Variants in DIAPH1 observed in about 807,000 individuals in gnomAD.
The protein encoded by DIAPH1 is protein diaphanous homolog 1.
In DIAPH1, 46 loss-of-function variants were observed where a neutral mutation model predicts 140.7. The observed-to-expected ratio is 0.33, with a 90% CI of 0.26 to 0.42. The LOEUF is 0.42. Among genes scored for constraint, DIAPH1 ranks in the 10% least tolerant of loss-of-function variants. DIAPH1 has a pLI of 1.00. For synonymous variants in DIAPH1, 565 were observed against 551.6 expected, an observed-to-expected ratio of 1.02 and a Z score of -0.34; for missense variants, 1,310 against 1,558.7, an observed-to-expected ratio of 0.84 and a Z score of 2.69.
intron 18 of DIAPH1, among the ~76,000 whole-genome samples, chr5:141,545,938 G>A (rs763204318): frequency 9.2e-5 from 14 of 152,018 alleles, no homozygotes; most frequent in Non-Finnish European, 2.1e-4. Flanking sequence ...CCATTTTAAA[G>A]GAATATAGTA....
chr5:141,603,139 G>A (rs1217145079), intron 1 of DIAPH1, among the ~76,000 whole-genome samples: 1 of 152,192 alleles, frequency 6.6e-6, no homozygotes, highest in Non-Finnish European at 1.5e-5. Context: ...CCCCAGAAAT[G>A]GAAATGATAG....
chr5:141,535,805 G>A (rs575401270), intron 18 of DIAPH1, among the ~76,000 whole-genome samples: 1 of 152,314 alleles, frequency 6.6e-6, no homozygotes, highest in South Asian at 2.1e-4. Context: ...ATCCCCGAAA[G>A]GAGAGTCGAG....
At chr5:141,598,693 C>A (rs1374948153) in intron 1 of DIAPH1, among the ~76,000 whole-genome samples, 2 of 151,704 alleles carry the variant, frequency 1.3e-5, no homozygotes, top group African/African-American at 2.4e-5. Flanking sequence ...TAGTTTATAA[C>A]AACAACAACA....
In DIAPH1 at chr5:141,526,165, G is replaced by A. The variant is rs1373857096; in HGVS notation, c.3447C>T (p.Val1149=). 1.2e-6 allele frequency: 2 copies of A among 1,613,988 alleles called. No homozygotes were observed. Among genetic ancestry groups the A allele is most frequent in the East Asian group, 2.2e-5 (1 of 44,874 alleles). The change falls in exon 26 of 28, where the codon GTC becomes GTT. Residue 1149 remains valine (V), a synonymous_variant. Transcript: ENST00000389054. The stretch of plus-strand genomic sequence containing the variant: ...TCTCCCGCCGCTTCTGGTTCTCCTT[G>A]ACTGCTTGCTGGGGCAGGGAAGAGG... ...HNFRNMFLQA[V]KENQKRRETE...
At chr5:141,581,849 T>TC (rs1410247415) in intron 7 of DIAPH1, 1 of 156,124 alleles carries the variant, frequency 6.4e-6, no homozygotes, top group Non-Finnish European at 1.4e-5. Context: ...GGTCAGGAGA[T>TC]CGAGACCGTC....
chr5:141,584,247 G>T (rs1296683934), intron 3 of DIAPH1, 22 bp from the exon 4 acceptor site: 5 of 1,467,122 alleles, frequency 3.4e-6, no homozygotes, highest in Non-Finnish European at 4.8e-6. Context: ...AGAAAAAAGA[G>T]AAAAAACAAA....
At chr5:141,607,341 G>T (rs193099565) in intron 1 of DIAPH1, among the ~76,000 whole-genome samples, 2 of 152,118 alleles carry the variant, frequency 1.3e-5, no homozygotes, top group Admixed American at 1.3e-4. Flanking sequence ...GAAGAGTCAC[G>T]CCTTTTAAAA....
chr5:141,615,771 T>C (rs1394107896), intron 1 of DIAPH1, among the ~76,000 whole-genome samples: 7 of 152,184 alleles, frequency 4.6e-5, no homozygotes, highest in Admixed American at 4.6e-4. Flanking sequence ...TTCTCGCTAA[T>C]GCTCCTAGTT....
chr5:141,542,407 TG>T (rs1562295924), intron 18 of DIAPH1, among the ~76,000 whole-genome samples: 1 of 149,626 alleles, frequency 6.7e-6, no homozygotes, highest in Non-Finnish European at 1.5e-5. Flanking sequence ...CACTCTGGAC[TG>T]GGCAACAGAG....
chr5:141,548,632 C>A (rs1013915781), intron 18 of DIAPH1, among the ~76,000 whole-genome samples: 2 of 151,990 alleles, frequency 1.3e-5, no homozygotes, highest in Non-Finnish European at 2.9e-5. Flanking sequence ...AAGGTTGAGA[C>A]CCTGTCTCTA....
intron 27 of DIAPH1, among the ~76,000 whole-genome samples, chr5:141,522,305 T>C (rs2154594885): frequency 6.6e-6 from 1 of 152,364 alleles, no homozygotes; most frequent in Admixed American, 6.5e-5. Context: ...AGTCTCCTCC[T>C]ATTCCCTCTT....
At chr5:141,548,205 A>G (rs930572699) in intron 18 of DIAPH1, among the ~76,000 whole-genome samples, 9 of 151,830 alleles carry the variant, frequency 5.9e-5, no homozygotes, top group African/African-American at 2.2e-4. Flanking sequence ...TTTCAAAAAA[A>G]AAAACCTCAA....
intron 8 of DIAPH1, 91 bp downstream of exon 8, chr5:141,580,653 G>C: frequency 3.8e-6 from 5 of 1,322,228 alleles, no homozygotes; most frequent in Non-Finnish European, 5.5e-6. Flanking sequence ...ATTTATGACC[G>C]AGAGGACACC....
chr5:141,561,369 T>G lies in DIAPH1; in HGVS notation c.2482+10059A>C, dbSNP rs74368905. Reference sequence around the variant, plus strand: ...TTAGAAGTGAAAAGAGTTTTGTTTTTTTTTTTTTTACATTGGAGTCTGTTT... The same window carrying G: ...TTAGAAGTGAAAAGAGTTTTGTTTTGTTTTTTTTTACATTGGAGTCTGTTT... On this transcript the variant is annotated intron_variant, in intron 18 of 27. Coordinates refer to ENST00000389054, the MANE Select transcript of DIAPH1 (RefSeq NM_005219.5). Among the ~76,000 whole-genome samples, 850 of 152,146 alleles carry G rather than the reference T, an allele frequency of 5.6e-3. 6 individuals carry two copies. The highest frequency in any genetic ancestry group is 0.017 in the African/African-American group (705 of 41,512).
At chr5:141,577,991 T>A in intron 11 of DIAPH1, 1 of 596,696 alleles carries the variant, frequency 1.7e-6, no homozygotes, top group Non-Finnish European at 3.0e-6. Flanking sequence ...TTACACTGAT[T>A]TTGATGGCTT....
intron 6 of DIAPH1, 111 bp from the exon 7 acceptor site, chr5:141,582,486 A>G (rs2099896926): frequency 1.3e-6 from 1 of 777,350 alleles, no homozygotes; most frequent in Non-Finnish European, 2.3e-6. Flanking sequence ...GCAGATGAGT[A>G]AATTTTAGGA....
intron 1 of DIAPH1, among the ~76,000 whole-genome samples, chr5:141,602,445 G>A (rs1299593705): frequency 6.6e-6 from 1 of 152,112 alleles, no homozygotes. Flanking sequence ...TTGAACTCCT[G>A]ACCTCGTGAT....
At chr5:141,518,944 C>T in intron 27 of DIAPH1, 1 of 1,550,628 alleles carries the variant, frequency 6.4e-7, no homozygotes, top group East Asian at 2.4e-5. Context: ...CACAGGTTAC[C>T]AATTTAAAGG....
chr5:141,583,766 C>G (rs754943290), intron 4 of DIAPH1, 151 bp from the exon 5 acceptor site: 23 of 1,139,024 alleles, frequency 2.0e-5, no homozygotes, highest in Non-Finnish European at 2.8e-5. Context: ...ATTTCAAACT[C>G]CTGGGCTCAA....
Sources: gnomAD v4.1 joint callset for allele counts (sites outside exome capture counted in the v4.1 genomes callset) on GRCh38, gnomAD v4.1.1 for gene constraint, MANE v1.5 for transcripts, NCBI Gene and HGNC (gene_info 2026-07-23, HGNC 2026-07-21) for gene names.